GLB1L2: variants seen among roughly 807,000 people sequenced by gnomAD.
GLB1L2 encodes the protein galactosidase beta 1 like 2, also known as beta-galactosidase-1-like protein 2.
Under a neutral mutation model 84.1 loss-of-function variants are expected in GLB1L2, and 68 were observed. The observed-to-expected ratio is 0.81, with a 90% confidence interval of 0.67 to 0.99. The LOEUF (loss-of-function observed/expected upper bound fraction) is 0.99, where lower values mean the gene tolerates loss of function less well. GLB1L2 is among the 50% of genes least tolerant of loss of function. The probability of loss-of-function intolerance (pLI) is 0.00; values close to 1 mark genes in which losing one functional copy is unlikely to be tolerated. For synonymous variants in GLB1L2, 290 were observed against 318.0 expected (o/e 0.91, Z 0.94); for missense variants, 762 against 805.6 (o/e 0.95, Z 0.66).
intron 1 of GLB1L2, among the ~76,000 whole-genome samples, chr11:134,340,129 C>T (rs966793843): frequency 1.1e-4 from 17 of 152,216 alleles, no homozygotes; most frequent in African/African-American, 2.9e-4. Context: ...TGGAGGCTCT[C>T]GCACCCATAA....
At position 134,374,234 on chromosome 11, in the gene GLB1L2, G is replaced by A; in HGVS notation, c.1685G>A (p.Cys562Tyr). Residue 562 changes from cysteine (C) to tyrosine (Y), a missense_variant, in exon 17 of 19, where the codon TGT becomes TAT. Physicochemically the swap from Cys to Tyr is radical, Grantham distance 194 (BLOSUM62 -2). Coordinates refer to ENST00000535456, the MANE Select transcript of GLB1L2 (RefSeq NM_001370461.1). ...LGSLSISSTP[C>Y]DTFLKLEGWE... is the part of the protein sequence containing the mutation. ...AGCTTGTCCATCAGCTCCACCCCTT[G>A]TGACACCTTTCTGAAGCTGGAGGTT... 1 of 1,612,452 alleles carries A rather than the reference G, an allele frequency of 6.2e-7. No homozygotes were observed. The highest frequency in any genetic ancestry group is 1.1e-5 in the South Asian group (1 of 91,042).
chr11:134,368,644 A>G lies in GLB1L2; in HGVS notation c.890A>G (p.Glu297Gly). The G allele has an allele frequency of 6.2e-7, 1 of 1,613,810 alleles. No individual in the cohort carries two copies. Among genetic ancestry groups the G allele is most frequent in the South Asian group, 1.1e-5 (1 of 91,088 alleles). ...ATCCCCTTTCTCCCTCCTCCGGCAG[A>G]GGTTTTGAAAACCGTGTCTGCCATT... The part of the protein sequence containing the change: ...GGPHNILDSS[E>G]VLKTVSAIVD... Residue 297 changes from glutamate to glycine, a missense_variant and splice_region_variant, in exon 10 of 19, where the codon GAG becomes GGG. This residue lies in a region of GLB1L2 where 603 missense variants were observed against 611.7 expected (regional missense o/e 0.99). Coordinates refer to ENST00000535456, the MANE Select transcript of GLB1L2 (RefSeq NM_001370461.1).
intron 2 of GLB1L2, among the ~76,000 whole-genome samples, chr11:134,344,138 G>A (rs1455351389): frequency 6.6e-6 from 1 of 152,194 alleles, no homozygotes; most frequent in Non-Finnish European, 1.5e-5. Flanking sequence ...GCTAACTGGG[G>A]TCAGAGCGCC....
chr11:134,339,396 T>A lies in GLB1L2; in HGVS notation c.87-3358T>A, dbSNP rs1241386740. 6.6e-6 allele frequency among the ~76,000 whole-genome samples: 1 copy of A among 152,166 alleles called. No individual in the cohort carries two copies. Among genetic ancestry groups the A allele is most frequent in the Non-Finnish European group, 1.5e-5 (1 of 68,032 alleles). ...TGAAGCTGTAACTCGCATGGTCTCATTTACTAGCAGTGAATTCCTTGGAGA... is the reference window on the plus strand; with the variant it reads ...TGAAGCTGTAACTCGCATGGTCTCAATTACTAGCAGTGAATTCCTTGGAGA... On this transcript the variant is annotated intron_variant, in intron 1 of 18. Transcript: ENST00000535456. This position sits in a 1 kb window ranked among gnomAD's most constrained non-coding sequence, Gnocchi z 5.7.
intron 10 of GLB1L2, 123 bp from the exon 11 acceptor site, chr11:134,369,682 T>C: frequency 1.3e-6 from 1 of 748,484 alleles, no homozygotes. Flanking sequence ...GGCTCAAAAG[T>C]GTCTTGCCTC....
At chr11:134,365,598 C>T (rs1291070793) in intron 8 of GLB1L2, among the ~76,000 whole-genome samples, 5 of 152,196 alleles carry the variant, frequency 3.3e-5, no homozygotes, top group Non-Finnish European at 7.3e-5. Context: ...TGGAAAGTGC[C>T]TAGCACAGCA....
At chr11:134,350,048 C>T (rs767746117) in intron 5 of GLB1L2, among the ~76,000 whole-genome samples, 1 of 152,194 alleles carries the variant, frequency 6.6e-6, no homozygotes, top group South Asian at 2.1e-4. Flanking sequence ...AAGGAAGGAG[C>T]CACTTTCGTT....
chr11:134,356,439 T>C, intron 6 of GLB1L2, 46 bp downstream of exon 6: 2 of 1,377,836 alleles, frequency 1.5e-6, no homozygotes, highest in Non-Finnish European at 2.1e-6. Context: ...TCCTCTGGAG[T>C]GTGCTATAGG....
intron 9 of GLB1L2, among the ~76,000 whole-genome samples, chr11:134,368,422 C>A (rs562617870): frequency 3.9e-5 from 6 of 152,298 alleles, no homozygotes; most frequent in Non-Finnish European, 7.4e-5. Context: ...GATTGACAGA[C>A]AACTGGAGGC....
At chr11:134,365,843 C>T (rs1190696136) in intron 8 of GLB1L2, among the ~76,000 whole-genome samples, 1 of 152,138 alleles carries the variant, frequency 6.6e-6, no homozygotes, top group Non-Finnish European at 1.5e-5. Context: ...CTCCATGTGG[C>T]GATGTCCGAT....
Position 134,367,271 on chromosome 11 carries a change from G to A in GLB1L2, c.819G>A (p.Lys273=), listed in dbSNP as rs371629637. The A allele has an allele frequency of 1.2e-5, 20 of 1,614,040 alleles. No homozygotes were observed. The highest frequency in any genetic ancestry group is 1.6e-5 in the Non-Finnish European group (19 of 1,180,014). ...GTGGTGTCCAGGGGACTCAGCCCAA[G>A]ATGGTGATGGAGTACTGGACGGGGT... ...FLFNVQGTQP[K]MVMEYWTGWF... The change falls in exon 9 of 19, where the codon AAG becomes AAA. Residue 273 remains lysine (K), a synonymous_variant. Transcript: ENST00000535456.
chr11:134,355,740 A>G (rs1353580529), intron 5 of GLB1L2, among the ~76,000 whole-genome samples: 2 of 152,216 alleles, frequency 1.3e-5, no homozygotes, highest in African/African-American at 4.8e-5. Context: ...ATATGCTGCC[A>G]TCTTTAGCTT....
chr11:134,374,566 T>C, intron 17 of GLB1L2, 36 bp from the exon 18 acceptor site: 1 of 1,519,494 alleles, frequency 6.6e-7, no homozygotes, highest in Non-Finnish European at 9.1e-7. Context: ...GCTGTGGCTC[T>C]CGTGGTAGAT....
chr11:134,334,703 C>T lies in GLB1L2; in HGVS notation c.86+2556C>T, dbSNP rs772948577. 1.3e-4 allele frequency among the ~76,000 whole-genome samples: 20 copies of T among 152,036 alleles called. No individual in the cohort carries two copies. Among genetic ancestry groups the T allele is most frequent in the Admixed American group, 5.2e-4 (8 of 15,268 alleles). ...AAGCAACCACTGATCTGTTGCTTTC[C>T]GACACGATATATTGGTTTGCATTTT... is the stretch of plus-strand genomic sequence containing the variant. On this transcript the variant is annotated intron_variant, in intron 1 of 18. Transcript: ENST00000535456. The surrounding 1 kb of genome is among the most constrained non-coding windows in gnomAD (Gnocchi z 4.1).
Position 134,374,647 on chromosome 11 carries a change from C to T in GLB1L2, c.1753C>T (p.Arg585Cys), listed in dbSNP as rs746777635. 8.7e-6 allele frequency: 14 copies of T among 1,613,960 alleles called. No homozygotes were observed. The highest frequency in any genetic ancestry group is 4.5e-5 in the East Asian group (2 of 44,892). The change falls in exon 18 of 19, where the codon CGT becomes TGT. Residue 585 changes from arginine (R) to cysteine (C), a missense_variant. Arg to Cys is a radical substitution (Grantham distance 180). This residue lies in a region of GLB1L2 where 603 missense variants were observed against 611.7 expected (regional missense o/e 0.99). Transcript: ENST00000535456. ...VVFINGQNLG[R>C]YWNIGPQKTL... ...ATTCATCAATGGCCAGAACCTTGGA[C>T]GTTACTGGAACATTGGACCCCAGAA...
chr11:134,353,860 C>G (rs1158532359), intron 5 of GLB1L2, among the ~76,000 whole-genome samples: 2 of 152,180 alleles, frequency 1.3e-5, no homozygotes, highest in Non-Finnish European at 2.9e-5. Flanking sequence ...CACCCCTCCT[C>G]TTTTGATTAC....
Position 134,334,452 on chromosome 11 carries a change from G to T in GLB1L2, c.86+2305G>T, listed in dbSNP as rs1943350732. On this transcript the variant is annotated intron_variant, in intron 1 of 18. Transcript: ENST00000535456. The surrounding 1 kb of genome is among the most constrained non-coding windows in gnomAD (Gnocchi z 4.1). ...ACTTTTGGGGAGGATTTCAGTCTTA[G>T]AATTTTTATTTTTATTTTTTTTAAG... Among the ~76,000 whole-genome samples the T allele has an allele frequency of 6.6e-6, 1 of 152,064 alleles. No individual in the cohort carries two copies. The highest frequency in any genetic ancestry group is 1.5e-5 in the Non-Finnish European group (1 of 68,016).
intron 17 of GLB1L2, 36 bp downstream of exon 17, chr11:134,374,292 C>A (rs1172588180): frequency 1.4e-6 from 2 of 1,479,108 alleles, no homozygotes; most frequent in Non-Finnish European, 1.9e-6. Context: ...GTTTCTCCCA[C>A]CTGCCTCCCG....
rs925479995 is a variant in GLB1L2 at position 134,345,537 on chromosome 11, C to T, written c.449+408C>T. Among the ~76,000 whole-genome samples the T allele has an allele frequency of 3.3e-5, 5 of 152,194 alleles. No individual in the cohort carries two copies. In the East Asian group the frequency reaches 9.6e-4, roughly 29 times the overall value. ...TCAGGCTGGAGTGCAGTGGTGTGAT[C>T]TTGGCTTACTGCAACCTCCGCCTCC... On this transcript the variant is annotated intron_variant, in intron 4 of 18. Transcript: ENST00000535456.
Sources: gnomAD v4.1 joint callset for allele counts (sites outside exome capture counted in the v4.1 genomes callset) on GRCh38, gnomAD v4.1.1 for gene constraint, gnomAD v4.1.1 regional missense constraint, Gnocchi (gnomAD v3.1) non-coding constraint, MANE v1.5 for transcripts, NCBI Gene and HGNC (gene_info 2026-07-23, HGNC 2026-07-21) for gene names.